Variants in DLEC1 observed in about 807,000 individuals in gnomAD.
DLEC1 encodes the protein DLEC1 cilia and flagella associated protein, also known as deleted in lung and esophageal cancer protein 1.
In DLEC1, 146 loss-of-function variants were observed where a neutral mutation model predicts 198.1. The ratio of observed to expected loss-of-function variants is 0.74; its 90% CI spans 0.64 to 0.85. The LOEUF (loss-of-function observed/expected upper bound fraction) is 0.85, where lower values mean the gene tolerates loss of function less well. Ranked by LOEUF, DLEC1 falls within the 40% of genes least tolerant of loss-of-function variation. The pLI, the probability that DLEC1 is intolerant of heterozygous loss-of-function variation, is 0.00. For synonymous variants in DLEC1, 897 were observed against 866.8 expected, an observed-to-expected ratio of 1.03 and a Z score of -0.61; for missense variants, 2,233 against 2,220.0, an observed-to-expected ratio of 1.01 and a Z score of -0.12.
chr3:38,063,998 T>C (rs566656050), intron 6 of DLEC1, 79 bp downstream of exon 6: 5 of 853,130 alleles, frequency 5.9e-6, no homozygotes, highest in African/African-American at 4.8e-5. Context: ...GAAATTTTCT[T>C]TTTTTTTTCT....
Position 38,039,385 on chromosome 3 carries a change from G to A in DLEC1, c.160G>A (p.Ala54Thr), listed in dbSNP as rs1700540668. The change falls in exon 1 of 37, where the codon GCC (alanine) becomes ACC (threonine). Residue 54 changes from alanine (A) to threonine (T), a missense_variant. By Grantham distance (58) the Ala-to-Thr change is moderately conservative. Coordinates refer to ENST00000308059, the MANE Select transcript of DLEC1 (RefSeq NM_007335.4). Reference sequence around the variant, plus strand: ...GTATTCCTCCCTCGCCTACTCTGAGGCCTTCCACTACAGCTTCGCAGCCCG... The same window carrying A: ...GTATTCCTCCCTCGCCTACTCTGAGACCTTCCACTACAGCTTCGCAGCCCG... ...SLYSSLAYSE[A>T]FHYSFAARPR... 1.9e-6 allele frequency: 3 copies of A among 1,614,180 alleles called. No individual in the cohort carries two copies. In the East Asian group the frequency reaches 6.7e-5, roughly 36 times the overall value.
chr3:38,066,912 C>A (rs374184977), intron 6 of DLEC1, among the ~76,000 whole-genome samples: 1 of 152,146 alleles, frequency 6.6e-6, no homozygotes, highest in Non-Finnish European at 1.5e-5. Context: ...CTGGCCATCA[C>A]GTTTTAAGGA....
At chr3:38,079,581 G>A (rs1697845653) in intron 6 of DLEC1, among the ~76,000 whole-genome samples, 1 of 152,224 alleles carries the variant, frequency 6.6e-6, no homozygotes, top group South Asian at 2.1e-4. Context: ...GTCAGTCAGA[G>A]AGCCTTGGGC....
intron 1 of DLEC1, 57 bp from the exon 2 acceptor site, chr3:38,045,486 T>C (rs781635890): frequency 3.2e-6 from 5 of 1,574,512 alleles, no homozygotes; most frequent in Non-Finnish European, 4.3e-6. Flanking sequence ...TGAGTAAAGC[T>C]AAGTAATGGT....
intron 20 of DLEC1, 49 bp downstream of exon 20, chr3:38,107,786 G>A: frequency 6.3e-7 from 1 of 1,595,100 alleles, no homozygotes; most frequent in South Asian, 1.1e-5. Flanking sequence ...CTCAGCCACA[G>A]AGGCCCACAT....
In DLEC1 at chr3:38,107,677, G is replaced by T. The variant is rs759181444; in HGVS notation, c.2958G>T (p.Thr986=). The T allele has an allele frequency of 1.9e-6, 3 of 1,614,098 alleles. No individual in the cohort carries two copies. Among genetic ancestry groups the T allele is most frequent in the East Asian group, 2.2e-5 (1 of 44,868 alleles). The change falls in exon 20 of 37, where the codon ACG becomes ACT. Residue 986 remains threonine, a synonymous_variant. Coordinates refer to ENST00000308059, the MANE Select transcript of DLEC1 (RefSeq NM_007335.4). ...EVRNLYLGVP[T]KTTITLINGT... ...GAAATCTCTACCTGGGTGTGCCCAC[G>T]AAGACAACCATCACACTTATCAATG... is the stretch of plus-strand genomic sequence containing the variant.
At chr3:38,080,729 G>A (rs531946348) in intron 6 of DLEC1, among the ~76,000 whole-genome samples, 3 of 151,668 alleles carry the variant, frequency 2.0e-5, no homozygotes, top group Non-Finnish European at 4.4e-5. Flanking sequence ...AGGGTGGAAG[G>A]TTGCCCATAG....
chr3:38,103,982 A>C (rs1156860261), intron 19 of DLEC1, among the ~76,000 whole-genome samples: 1 of 152,254 alleles, frequency 6.6e-6, no homozygotes, highest in Non-Finnish European at 1.5e-5. Context: ...TTTGCAAGAC[A>C]TGACACAGAG....
At chr3:38,102,159 G>T (rs1194332607) in intron 19 of DLEC1, among the ~76,000 whole-genome samples, 1 of 151,656 alleles carries the variant, frequency 6.6e-6, no homozygotes. Context: ...CTTTTTTTGT[G>T]GGCCCTTCTC....
At chr3:38,107,790 C>T (rs1360517288) in intron 20 of DLEC1, 53 bp downstream of exon 20, 9 of 1,584,378 alleles carry the variant, frequency 5.7e-6, no homozygotes, top group Middle Eastern at 2.0e-4. Flanking sequence ...GCCACAGAGG[C>T]CCACATAGAG....
chr3:38,111,876 C>T, intron 24 of DLEC1, 129 bp downstream of exon 24: 1 of 1,034,840 alleles, frequency 9.7e-7, no homozygotes, highest in Non-Finnish European at 1.4e-6. Context: ...GGCCAAGGCG[C>T]TCCACCTGAC....
intron 19 of DLEC1, chr3:38,102,990 T>C (rs1699381557): frequency 6.6e-6 from 1 of 152,166 alleles, no homozygotes; most frequent in African/African-American, 2.4e-5. Flanking sequence ...CAATTTTAAT[T>C]TTTATTATTT....
intron 6 of DLEC1, among the ~76,000 whole-genome samples, chr3:38,078,551 C>T (rs1007538224): frequency 5.3e-5 from 8 of 152,010 alleles, no homozygotes; most frequent in Non-Finnish European, 7.4e-5. Context: ...AGGGAGAGCA[C>T]GTGTGTTTTT....
Position 38,097,182 on chromosome 3 carries a change from A to G in DLEC1, c.2341A>G (p.Met781Val). The G allele has an allele frequency of 6.4e-7, 1 of 1,569,168 alleles. No individual in the cohort carries two copies. Among genetic ancestry groups the G allele is most frequent in the South Asian group, 1.2e-5 (1 of 85,574 alleles). Reference protein sequence around the residue: ...IGINVKKAFKMWNNSKSPIRY... With the variant: ...IGINVKKAFKVWNNSKSPIRY... Reference sequence around the variant, plus strand: ...CAGCCTGGTCTCGGGTGTCTTTCAGATGTGGAACAACAGCAAGTCACCCAT... The same window carrying G: ...CAGCCTGGTCTCGGGTGTCTTTCAGGTGTGGAACAACAGCAAGTCACCCAT... The change falls in exon 16 of 37, where the codon ATG (methionine) becomes GTG (valine). Residue 781 changes from methionine to valine, a missense_variant and splice_region_variant. Physicochemically the swap from Met to Val is conservative, Grantham distance 21. Coordinates refer to ENST00000308059, the MANE Select transcript of DLEC1 (RefSeq NM_007335.4).
chr3:38,082,415 ATC>A (rs1016286449), intron 6 of DLEC1, among the ~76,000 whole-genome samples: 7 of 151,516 alleles, frequency 4.6e-5, no homozygotes, highest in African/African-American at 1.7e-4. Flanking sequence ...AGAGGCTGCA[ATC>A]TCGGCACTTT....
intron 6 of DLEC1, among the ~76,000 whole-genome samples, chr3:38,065,526 A>G (rs10049291): frequency 0.32 from 48,305 of 152,142 alleles, 7,988 homozygotes; most frequent in East Asian, 0.55. Context: ...CATTTTGCCA[A>G]TCTGGTTTTG....
intron 2 of DLEC1, among the ~76,000 whole-genome samples, chr3:38,049,453 A>C (rs1261633176): frequency 6.6e-6 from 1 of 152,232 alleles, no homozygotes; most frequent in Non-Finnish European, 1.5e-5. Context: ...GCACATGTAA[A>C]TTCTCCAAAG....
rs780446743 is a variant in DLEC1 at position 38,110,152 on chromosome 3, C to T, written c.3314C>T (p.Ala1105Val). Residue 1105 changes from alanine (A) to valine (V), a missense_variant, in exon 23 of 37, where the codon GCG becomes GTG. By Grantham distance (64) the Ala-to-Val change is moderately conservative (BLOSUM62 0). Coordinates refer to ENST00000308059, the MANE Select transcript of DLEC1 (RefSeq NM_007335.4). ...GAGCTCCGCCTGGACTTTGGCTCAG[C>T]GGTGCCACTGAGGACCCGTGTGACT... ...PKELRLDFGS[A>V]VPLRTRVTRQ... 7.4e-6 allele frequency: 12 copies of T among 1,614,048 alleles called. No homozygotes were observed. Among genetic ancestry groups the T allele is most frequent in the African/African-American group, 5.3e-5 (4 of 74,938 alleles).
Position 38,046,275 on chromosome 3 carries a change from TG to T in DLEC1, c.562+583del, listed in dbSNP as rs200946063. The stretch of plus-strand genomic sequence containing the variant: ...GTGATTTTTGTGGCGTGATATGGTT[TG>T]TCTGCATCCCCACCCAAATCTCACC... On this transcript the variant is annotated intron_variant, in intron 2 of 36. Coordinates refer to ENST00000308059, the MANE Select transcript of DLEC1 (RefSeq NM_007335.4). 5.3e-3 allele frequency among the ~76,000 whole-genome samples: 812 copies of T among 152,304 alleles called. 11 individuals are homozygous for T. Among genetic ancestry groups the T allele is most frequent in the African/African-American group, 0.018 (729 of 41,554 alleles).
Sources: gnomAD v4.1 joint callset for allele counts (sites outside exome capture counted in the v4.1 genomes callset) on GRCh38, gnomAD v4.1.1 for gene constraint, MANE v1.5 for transcripts, NCBI Gene and HGNC (gene_info 2026-07-23, HGNC 2026-07-21) for gene names.